The following SH2D3C variants were observed in gnomAD, a reference collection of about 807,000 sequenced individuals.
SH2D3C encodes the protein SH2 domain-containing protein 3C.
SH2D3C carries 25 observed loss-of-function variants against 75.2 expected under a neutral mutation model. The observed-to-expected ratio is 0.33, with a 90% CI of 0.24 to 0.46. The LOEUF (loss-of-function observed/expected upper bound fraction) is 0.46, where lower values mean the gene tolerates loss of function less well. Among genes scored for constraint, SH2D3C ranks in the 20% least tolerant of loss-of-function variants. The probability of loss-of-function intolerance (pLI) is 1.00; values close to 1 mark genes in which losing one functional copy is unlikely to be tolerated. For synonymous variants in SH2D3C, 450 were observed against 473.7 expected (o/e 0.95, Z 0.65); for missense variants, 933 against 1,165.3 (o/e 0.80, Z 2.90).
At chr9:127,761,445 A>G (rs1372456331) in intron 3 of SH2D3C, among the ~76,000 whole-genome samples, 166 bp downstream of exon 3, 1 of 152,020 alleles carries the variant, frequency 6.6e-6, no homozygotes, top group Non-Finnish European at 1.5e-5. Context: ...GCTGAGAATG[A>G]AACTGGATCC....
chr9:127,764,320 A>G (rs1845591948), intron 2 of SH2D3C, among the ~76,000 whole-genome samples: 1 of 152,086 alleles, frequency 6.6e-6, no homozygotes, highest in African/African-American at 2.4e-5. Context: ...CCAAGACACA[A>G]TCACCATGTC....
At chr9:127,771,231 C>T (rs1213117835) in intron 2 of SH2D3C, 8 of 1,545,390 alleles carry the variant, frequency 5.2e-6, no homozygotes, top group African/African-American at 1.4e-5. Flanking sequence ...AGCAGTCATG[C>T]TTCCCCCGCT....
Position 127,738,650 on chromosome 9 carries a change from G to A in SH2D3C, c.*96C>T. 7.6e-7 allele frequency: 1 copy of A among 1,311,334 alleles called. No individual in the cohort carries two copies. The highest frequency in any genetic ancestry group is 1.5e-5 in the South Asian group (1 of 65,602). The allele number at this position is 1,311,334 out of a possible 1,614,324, so 81.2% of individuals were successfully genotyped here. A position where few individuals can be genotyped will look rare whatever the true frequency, so the allele number is the denominator to read the frequency against. Reference sequence around the variant, plus strand: ...TTGAGTTGAACCCAGAACATTCTCGGGTTGATCACAGTGTCCTTGGGGTGC... The same window carrying A: ...TTGAGTTGAACCCAGAACATTCTCGAGTTGATCACAGTGTCCTTGGGGTGC... On this transcript the variant is annotated 3_prime_UTR_variant, in exon 12 of 12. Transcript: ENST00000314830. This position sits in a 1 kb window ranked among gnomAD's most constrained non-coding sequence, Gnocchi z 5.0.
At chr9:127,762,383 C>T in intron 2 of SH2D3C, 1 of 1,204,842 alleles carries the variant, frequency 8.3e-7, no homozygotes, top group South Asian at 1.3e-5. Context: ...GACTTGGAAA[C>T]CCAACTACCT....
chr9:127,764,869 G>A (rs1358709476), intron 2 of SH2D3C, among the ~76,000 whole-genome samples: 1 of 151,872 alleles, frequency 6.6e-6, no homozygotes, highest in African/African-American at 2.4e-5. Context: ...CACCACGCCG[G>A]GCTAATTTTT....
At position 127,778,637 on chromosome 9, in the gene SH2D3C, T is replaced by A. The variant is rs768762217; in HGVS notation, c.-10A>T. On this transcript the variant is annotated 5_prime_UTR_variant, in exon 1 of 12. Coordinates refer to ENST00000314830, the MANE Select transcript of SH2D3C (RefSeq NM_170600.3). ...TGGTCCCCTCTGTCATCTTGGCAAA[T>A]TGTGTGAAGCCCTTGGCCAGCTTGC... 1 of 1,613,492 alleles carries A rather than the reference T, an allele frequency of 6.2e-7. No individual in the cohort carries two copies. Among genetic ancestry groups the A allele is most frequent in the Admixed American group, 1.7e-5 (1 of 60,008 alleles).
intron 6 of SH2D3C, among the ~76,000 whole-genome samples, chr9:127,745,641 T>C (rs1290738943): frequency 6.6e-6 from 1 of 151,226 alleles, no homozygotes; most frequent in Non-Finnish European, 1.5e-5. Flanking sequence ...CTGGCTAACT[T>C]TTTTTTGAGT....
intron 3 of SH2D3C, among the ~76,000 whole-genome samples, chr9:127,752,705 A>G (rs536366102): frequency 6.6e-6 from 1 of 152,278 alleles, no homozygotes; most frequent in Admixed American, 6.5e-5. Context: ...AGAGATATCT[A>G]GAATCTCTGA....
rs114422404 is a variant in SH2D3C, at chr9:127,751,418, C to T, written c.556-118G>A. 1,051 of 972,822 alleles carry T rather than the reference C, an allele frequency of 1.1e-3. 6 individuals are homozygous for T. In the African/African-American group the frequency reaches 0.014, roughly 13 times the overall value. The allele number at this position is 972,822 out of a possible 1,614,324, so 60.3% of individuals were successfully genotyped here. A position where few individuals can be genotyped will look rare whatever the true frequency, so the allele number is the denominator to read the frequency against. On this transcript the variant is annotated intron_variant, in intron 3 of 11. Coordinates refer to ENST00000314830, the MANE Select transcript of SH2D3C (RefSeq NM_170600.3). This position sits in a 1 kb window ranked among gnomAD's most constrained non-coding sequence, Gnocchi z 4.1. ...TCCTGGGACTCTGGGAACACTAAGGCACAGGTGCCAGACCCTTTCCCATGG... is the reference window on the plus strand; with the variant it reads ...TCCTGGGACTCTGGGAACACTAAGGTACAGGTGCCAGACCCTTTCCCATGG...
intron 3 of SH2D3C, among the ~76,000 whole-genome samples, chr9:127,755,865 C>T (rs926199705): frequency 4.6e-5 from 7 of 152,246 alleles, no homozygotes; most frequent in African/African-American, 1.4e-4. Flanking sequence ...GTGGAAAATG[C>T]ACCTGTCAAA....
Position 127,738,779 on chromosome 9 carries a change from C to A in SH2D3C, c.2550G>T (p.Lys850Asn). 1 of 1,608,498 alleles carries A rather than the reference C, an allele frequency of 6.2e-7. No homozygotes were observed. The highest frequency in any genetic ancestry group is 1.7e-5 in the Admixed American group (1 of 59,186). The change falls in exon 12 of 12, where the codon AAG becomes AAT. Residue 850 changes from lysine (K) to asparagine (N), a missense_variant. Coordinates refer to ENST00000314830, the MANE Select transcript of SH2D3C (RefSeq NM_170600.3). This position sits in a 1 kb window ranked among gnomAD's most constrained non-coding sequence, Gnocchi z 5.0. Reference sequence around the variant, plus strand: ...CGCTGGAGCGGACAGCAGGTTCCAGCTTGTGGGACAGGGCAGTGAGGACCT... The same window carrying A: ...CGCTGGAGCGGACAGCAGGTTCCAGATTGTGGGACAGGGCAGTGAGGACCT... ...FDKVLTALSHKLEPAVRSSEL is the reference protein window; with the variant it reads ...FDKVLTALSHNLEPAVRSSEL
chr9:127,762,308 C>T, intron 2 of SH2D3C: 8 of 1,293,190 alleles, frequency 6.2e-6, no homozygotes, highest in South Asian at 1.2e-5. Flanking sequence ...AACCACTCCC[C>T]CCACCGCATG....
chr9:127,750,327 G>A (rs187815998), intron 4 of SH2D3C, among the ~76,000 whole-genome samples: 33 of 152,032 alleles, frequency 2.2e-4, no homozygotes, highest in Non-Finnish European at 4.3e-4. Flanking sequence ...GCTAATTTTC[G>A]TATTTTTAGT....
intron 2 of SH2D3C, chr9:127,762,387 A>C (rs1190401147): frequency 8.4e-7 from 1 of 1,186,342 alleles, no homozygotes; most frequent in East Asian, 5.7e-5. Flanking sequence ...TGGAAACCCA[A>C]CTACCTCCTG....
intron 2 of SH2D3C, among the ~76,000 whole-genome samples, chr9:127,765,314 C>CGG (rs1845613041): frequency 6.6e-6 from 1 of 152,234 alleles, no homozygotes; most frequent in Admixed American, 6.5e-5. Context: ...ACTTAGCACG[C>CGG]ATTTCCTCTC....
Position 127,739,351 on chromosome 9 carries a change from A to G in SH2D3C, c.2407+331T>C, listed in dbSNP as rs1471459048. The stretch of plus-strand genomic sequence containing the variant: ...TGGTGGAACCCCACCTCTACTAAAA[A>G]TACAAAAAATTGGCCAGGTATGGTG... On this transcript the variant is annotated intron_variant, in intron 11 of 11. Coordinates refer to ENST00000314830, the MANE Select transcript of SH2D3C (RefSeq NM_170600.3). The surrounding 1 kb of genome is among the most constrained non-coding windows in gnomAD (Gnocchi z 4.3). 6.6e-6 allele frequency among the ~76,000 whole-genome samples: 1 copy of G among 152,052 alleles called. No homozygotes were observed. The highest frequency in any genetic ancestry group is 1.5e-5 in the Non-Finnish European group (1 of 68,008).
chr9:127,755,320 G>T, intron 3 of SH2D3C: 1 of 847,906 alleles, frequency 1.2e-6, no homozygotes, highest in Non-Finnish European at 1.5e-6. Context: ...GGGGCGGGGA[G>T]ACCCCACCCT....
At chr9:127,745,169 C>T (rs1844990319) in intron 6 of SH2D3C, 70 bp from the exon 7 acceptor site, 1 of 1,312,318 alleles carries the variant, frequency 7.6e-7, no homozygotes, top group Non-Finnish European at 1.0e-6. Flanking sequence ...CGCACCCCTT[C>T]CCAAAGAACA....
chr9:127,769,235 A>T (rs975097374), intron 2 of SH2D3C, among the ~76,000 whole-genome samples: 7 of 152,192 alleles, frequency 4.6e-5, no homozygotes, highest in Admixed American at 4.6e-4. Flanking sequence ...TATCATTCCC[A>T]TTCAACTAAC....
Sources: gnomAD v4.1 joint callset for allele counts (sites outside exome capture counted in the v4.1 genomes callset) on GRCh38, gnomAD v4.1.1 for gene constraint, Gnocchi (gnomAD v3.1) non-coding constraint, MANE v1.5 for transcripts, NCBI Gene and HGNC (gene_info 2026-07-23, HGNC 2026-07-21) for gene names.